The following ACYP2 variants were observed in gnomAD, a reference collection of about 807,000 sequenced individuals.
The protein encoded by ACYP2 is acylphosphatase 2.
A neutral mutation model predicts 11.2 loss-of-function variants in ACYP2; 12 were observed. The ratio of observed to expected loss-of-function variants is 1.08; its 90% CI spans 0.69 to 1.74. ACYP2 has a LOEUF of 1.74. Ranked by LOEUF, ACYP2 falls within the 40% of genes most tolerant of loss-of-function variation. ACYP2 has a pLI of 0.00. For missense variants in ACYP2, 134 were observed against 101.9 expected, an observed-to-expected ratio of 1.31 and a Z score of -1.35; for synonymous variants, 43 against 32.2, an observed-to-expected ratio of 1.33 and a Z score of -1.13.
chr2:54,059,654 T>C (rs1676362839), intron 4 of ACYP2, among the ~76,000 whole-genome samples: 2 of 152,226 alleles, frequency 1.3e-5, no homozygotes, highest in Admixed American at 1.3e-4. Flanking sequence ...CTGTCTTGAT[T>C]GTCATCCCAG....
At chr2:54,158,526 C>G (rs1239422328) in intron 6 of ACYP2, among the ~76,000 whole-genome samples, 1 of 152,056 alleles carries the variant, frequency 6.6e-6, no homozygotes, top group Non-Finnish European at 1.5e-5. Flanking sequence ...TTGATTATCA[C>G]CATGCACCAG....
intron 2 of ACYP2, among the ~76,000 whole-genome samples, chr2:53,981,630 G>A (rs1353638065): frequency 6.6e-6 from 1 of 152,132 alleles, no homozygotes; most frequent in Non-Finnish European, 1.5e-5. Flanking sequence ...AAAGGGAGTG[G>A]CCTCTGGTCC....
intron 2 of ACYP2, among the ~76,000 whole-genome samples, chr2:53,984,261 C>T (rs774845275): frequency 6.6e-6 from 1 of 152,102 alleles, no homozygotes; most frequent in East Asian, 1.9e-4. Flanking sequence ...CCCAGTCCCA[C>T]CTGAACATAG....
At chr2:54,139,645 T>C (rs1681488301) in intron 6 of ACYP2, among the ~76,000 whole-genome samples, 1 of 152,252 alleles carries the variant, frequency 6.6e-6, no homozygotes, top group Non-Finnish European at 1.5e-5. Flanking sequence ...AGGTACTAAG[T>C]AACACTCAAT....
chr2:54,211,570 T>C (rs1481989567), intron 6 of ACYP2, among the ~76,000 whole-genome samples: 1 of 152,172 alleles, frequency 6.6e-6, no homozygotes, highest in East Asian at 1.9e-4. Flanking sequence ...CTGGCTATGG[T>C]TAGTGTTGTC....
At chr2:54,243,190 C>T (rs1686804662) in intron 6 of ACYP2, among the ~76,000 whole-genome samples, 1 of 152,062 alleles carries the variant, frequency 6.6e-6, no homozygotes, top group Admixed American at 6.5e-5. Context: ...GCGTTTAACA[C>T]TGGGGATACA....
chr2:54,234,039 AC>A (rs1462572926), intron 6 of ACYP2, among the ~76,000 whole-genome samples: 1 of 151,118 alleles, frequency 6.6e-6, no homozygotes, highest in East Asian at 2.0e-4. Context: ...AGATTAGGGA[AC>A]AAAAAGAAGT....
rs1157968925 is a variant in ACYP2, at chr2:54,145,588, A to C, written c.404+6840A>C. The stretch of plus-strand genomic sequence containing the variant: ...TTTCAATAACAGTATGCTTTCAGAC[A>C]TTCTTGTTTCATATATTCCTCCAAC... On this transcript the variant is annotated intron_variant, in intron 6 of 6. Coordinates refer to ENST00000607452, the MANE Select transcript of ACYP2 (RefSeq NM_001320586.2). Among the ~76,000 whole-genome samples the C allele has an allele frequency of 2.0e-5, 3 of 152,268 alleles. No homozygotes were observed. The East Asian group carries it at 5.8e-4, about 29-fold the overall frequency.
chr2:53,979,632 A>T (rs139656334), intron 2 of ACYP2, among the ~76,000 whole-genome samples: 1,619 of 83,684 alleles, frequency 0.019, 25 homozygotes, highest in African/African-American at 0.051. Context: ...TCTCAAAAAT[A>T]AAAAAAAAAA....
intron 2 of ACYP2, among the ~76,000 whole-genome samples, chr2:53,993,576 A>G (rs1039175516): frequency 3.7e-4 from 56 of 151,940 alleles, no homozygotes; most frequent in African/African-American, 6.5e-4. Context: ...GGGCATCTGT[A>G]GTCTCAGCTC....
chr2:54,057,175 A>C (rs1676197326), intron 3 of ACYP2: 2 of 395,518 alleles, frequency 5.1e-6, no homozygotes, highest in Non-Finnish European at 8.9e-6. Context: ...TAACTATGCA[A>C]CCTGCCCTTG....
chr2:54,001,557 C>G (rs571456819), intron 2 of ACYP2, among the ~76,000 whole-genome samples: 1 of 152,070 alleles, frequency 6.6e-6, no homozygotes, highest in African/African-American at 2.4e-5. Context: ...CCAAGCCCAG[C>G]TGATTTTTGT....
At chr2:54,247,843 C>T (rs1687031089) in intron 6 of ACYP2, among the ~76,000 whole-genome samples, 1 of 152,182 alleles carries the variant, frequency 6.6e-6, no homozygotes, top group South Asian at 2.1e-4. Flanking sequence ...TTTACCACCA[C>T]CTGGCTGGGT....
chr2:54,053,056 A>C (rs539485987), intron 3 of ACYP2, among the ~76,000 whole-genome samples: 1 of 152,336 alleles, frequency 6.6e-6, no homozygotes, highest in East Asian at 1.9e-4. Flanking sequence ...TGAAGAAAAA[A>C]GGTGTTTTCC....
intron 4 of ACYP2, among the ~76,000 whole-genome samples, chr2:54,116,976 A>T (rs771100716): frequency 1.1e-4 from 17 of 152,162 alleles, no homozygotes; most frequent in Non-Finnish European, 2.4e-4. Context: ...ACCAGGGGTG[A>T]CTCAGGATGG....
At chr2:54,098,726 CTT>C (rs34123335) in intron 4 of ACYP2, among the ~76,000 whole-genome samples, 26,827 of 140,496 alleles carry the variant, frequency 0.19, 3,061 homozygotes, top group African/African-American at 0.36. Context: ...GACAATGTCC[CTT>C]TTTTTTTTTT....
intron 6 of ACYP2, among the ~76,000 whole-genome samples, chr2:54,177,901 CTTTATTT>C (rs1428416016): frequency 4.8e-5 from 6 of 124,040 alleles, no homozygotes; most frequent in Admixed American, 7.7e-5. Context: ...TTCTTTCTTT[CTTTATTT>C]TTTTTTTTTT....
chr2:54,172,558 T>C (rs1683262627), intron 6 of ACYP2, among the ~76,000 whole-genome samples: 1 of 152,210 alleles, frequency 6.6e-6, no homozygotes, highest in Non-Finnish European at 1.5e-5. Context: ...GGGAGCAGTA[T>C]GTGGATGAGT....
At chr2:54,134,514 C>T (rs1341555772) in intron 4 of ACYP2, among the ~76,000 whole-genome samples, 1 of 152,124 alleles carries the variant, frequency 6.6e-6, no homozygotes, top group Non-Finnish European at 1.5e-5. Context: ...GCCAAGTATA[C>T]TCAACTGTAC....
Sources: allele counts gnomAD v4.1 joint callset (sites outside exome capture counted in the v4.1 genomes callset), GRCh38; gene constraint gnomAD v4.1.1; transcripts MANE v1.5; gene names NCBI Gene and HGNC (gene_info 2026-07-23, HGNC 2026-07-21).